AGBL1: variants seen among roughly 807,000 people sequenced by gnomAD.
The protein encoded by AGBL1 is cytosolic carboxypeptidase 4.
A neutral mutation model predicts 118.9 loss-of-function variants in AGBL1; 130 were observed. The observed-to-expected ratio is 1.09, with a 90% CI of 0.95 to 1.26. The LOEUF (loss-of-function observed/expected upper bound fraction) is 1.26. AGBL1 is among the 50% of genes most tolerant of loss of function. The pLI, the probability that AGBL1 is intolerant of heterozygous loss-of-function variation, is 0.00. For synonymous variants in AGBL1, 555 were observed against 478.9 expected (o/e 1.16, Z -2.08); for missense variants, 1,584 against 1,298.1 (o/e 1.22, Z -3.38).
At chr15:86,554,608 C>T in intron 21 of AGBL1, 71 bp downstream of exon 21, 1 of 1,335,052 alleles carries the variant, frequency 7.5e-7, no homozygotes, top group Non-Finnish European at 9.7e-7. Flanking sequence ...ACAGCTCGTA[C>T]CTGCTTTCTC....
rs939716633 is a variant in AGBL1, at chr15:86,564,343, C to T, written c.2994+9806C>T. Among the ~76,000 whole-genome samples the T allele has an allele frequency of 3.3e-5, 5 of 152,172 alleles. 1 individual carries two copies. The South Asian group carries it at 8.3e-4, about 25-fold the overall frequency. Reference sequence around the variant, plus strand: ...CAGGCCTGGAGGTGACACAATCTCTCAGCATTTGCTTGTCTGTAAAGGATT... The same window carrying T: ...CAGGCCTGGAGGTGACACAATCTCTTAGCATTTGCTTGTCTGTAAAGGATT... On this transcript the variant is annotated intron_variant, in intron 21 of 22. Transcript: ENST00000614907.
At chr15:86,165,707 C>T (rs747785465) in intron 5 of AGBL1, among the ~76,000 whole-genome samples, 1 of 152,116 alleles carries the variant, frequency 6.6e-6, no homozygotes, top group Non-Finnish European at 1.5e-5. Flanking sequence ...CATGGCCTCA[C>T]AGTGGGGCTT....
intron 22 of AGBL1, among the ~76,000 whole-genome samples, chr15:86,689,245 T>A (rs1204392844): frequency 6.6e-6 from 1 of 152,140 alleles, no homozygotes; most frequent in Non-Finnish European, 1.5e-5. Context: ...AAGTCTCAGC[T>A]TAAATGTCAT....
At chr15:86,100,537 A>C (rs950537791) in intron 1 of AGBL1, among the ~76,000 whole-genome samples, 1 of 151,830 alleles carries the variant, frequency 6.6e-6, no homozygotes, top group Non-Finnish European at 1.5e-5. Context: ...ATTTAATCTC[A>C]TTACTCATTA....
chr15:86,241,100 A>T (rs1016505721), intron 6 of AGBL1, among the ~76,000 whole-genome samples: 1 of 152,052 alleles, frequency 6.6e-6, no homozygotes, highest in Non-Finnish European at 1.5e-5. Context: ...CGTAAAGAGG[A>T]GTGTTTCATT....
chr15:86,582,380 G>A (rs11852235), intron 21 of AGBL1, among the ~76,000 whole-genome samples: 30,944 of 151,952 alleles, frequency 0.2, 3,351 homozygotes, highest in East Asian at 0.28. Flanking sequence ...AATTCCTGAA[G>A]TTTAAAAGTT....
chr15:86,522,882 C>A lies in AGBL1; in HGVS notation c.2628C>A (p.Thr876=). The A allele has an allele frequency of 6.2e-7, 1 of 1,613,974 alleles. No individual in the cohort carries two copies. Among genetic ancestry groups the A allele is most frequent in the Non-Finnish European group, 8.5e-7 (1 of 1,179,848 alleles). The change falls in exon 19 of 23, where the codon ACC becomes ACA. Residue 876 remains threonine (T), a synonymous_variant. Transcript: ENST00000614907. ...WLSPSAHLQP[T]IYHAKGLLYH... ...CTCCCAGTGCTCATCTGCAGCCAAC[C>A]ATTTACCATGCCAAAGGCCTCCTCT...
intron 24 of AGBL1, among the ~76,000 whole-genome samples, chr15:86,995,231 T>C (rs2081369225): frequency 6.6e-6 from 1 of 151,788 alleles, no homozygotes; most frequent in African/African-American, 2.4e-5. Context: ...TACAAAAAAT[T>C]TAAAAATTAG....
chr15:86,238,144 C>T (rs2078583389), intron 6 of AGBL1, among the ~76,000 whole-genome samples: 1 of 152,250 alleles, frequency 6.6e-6, no homozygotes, highest in East Asian at 1.9e-4. Flanking sequence ...GTTTTGTTTT[C>T]TCTGTATCAC....
intron 16 of AGBL1, among the ~76,000 whole-genome samples, chr15:86,290,315 AGT>A (rs1025956632): frequency 6.7e-6 from 1 of 149,400 alleles, no homozygotes; most frequent in African/African-American, 2.5e-5. Flanking sequence ...GGGCAGCTGA[AGT>A]GTGTCTTCAA....
chr15:86,218,680 G>C (rs1322859716), intron 5 of AGBL1, among the ~76,000 whole-genome samples: 1 of 152,328 alleles, frequency 6.6e-6, no homozygotes, highest in African/African-American at 2.4e-5. Context: ...TAATGTTGGG[G>C]AAACCCCCAT....
intron 22 of AGBL1, among the ~76,000 whole-genome samples, chr15:86,692,790 C>A (rs949979782): frequency 6.6e-6 from 1 of 152,084 alleles, no homozygotes; most frequent in Non-Finnish European, 1.5e-5. Flanking sequence ...CCCCAAAGAC[C>A]ACTGTGTCAT....
chr15:86,937,449 A>T (rs984100178), intron 23 of AGBL1, among the ~76,000 whole-genome samples: 8 of 152,254 alleles, frequency 5.3e-5, no homozygotes, highest in African/African-American at 1.9e-4. Flanking sequence ...CATATACTCC[A>T]TGGAATACTA....
At chr15:86,637,112 A>T (rs1263829076) in intron 21 of AGBL1, among the ~76,000 whole-genome samples, 1 of 152,066 alleles carries the variant, frequency 6.6e-6, no homozygotes, top group Non-Finnish European at 1.5e-5. Context: ...GGATGGACAA[A>T]ATATATTTGG....
intron 17 of AGBL1, among the ~76,000 whole-genome samples, chr15:86,341,463 A>G (rs2080460674): frequency 6.6e-6 from 1 of 152,064 alleles, no homozygotes; most frequent in Non-Finnish European, 1.5e-5. Flanking sequence ...TTCACTTTTC[A>G]GATACTTTTT....
At chr15:86,545,274 T>A (rs571984227) in intron 19 of AGBL1, among the ~76,000 whole-genome samples, 2 of 152,354 alleles carry the variant, frequency 1.3e-5, no homozygotes, top group South Asian at 4.1e-4. Context: ...GATAAGCCAT[T>A]GTGTTTTGAT....
chr15:86,496,690 T>C (rs1489791562), intron 18 of AGBL1, among the ~76,000 whole-genome samples: 1 of 152,012 alleles, frequency 6.6e-6, no homozygotes, highest in East Asian at 1.9e-4. Context: ...AGCTACTAAT[T>C]ATATTTTATT....
At chr15:86,281,763 C>A (rs147557346) in intron 16 of AGBL1, among the ~76,000 whole-genome samples, 2,788 of 152,244 alleles carry the variant, frequency 0.018, 43 homozygotes, top group Non-Finnish European at 0.025. Context: ...AGAATTTCTG[C>A]CCTGGGGTCA....
At chr15:86,978,739 C>A (rs2081199659) in intron 23 of AGBL1, among the ~76,000 whole-genome samples, 1 of 152,110 alleles carries the variant, frequency 6.6e-6, no homozygotes, top group South Asian at 2.1e-4. Context: ...AGCTCTAAGT[C>A]ACTGCAGTTC....
Sources: allele counts gnomAD v4.1 joint callset (sites outside exome capture counted in the v4.1 genomes callset), GRCh38; gene constraint gnomAD v4.1.1; transcripts MANE v1.5; gene names NCBI Gene and HGNC (gene_info 2026-07-23, HGNC 2026-07-21).